Variants in ADAMTS3 observed in about 807,000 individuals in gnomAD.
The protein encoded by ADAMTS3 is A disintegrin and metalloproteinase with thrombospondin motifs 3.
A neutral mutation model predicts 129.0 loss-of-function variants in ADAMTS3; 73 were observed. The observed-to-expected ratio is 0.57, with a 90% CI of 0.47 to 0.69. The LOEUF (loss-of-function observed/expected upper bound fraction) is 0.69, where lower values mean the gene tolerates loss of function less well. ADAMTS3 is among the 30% of genes least tolerant of loss of function. The pLI, the probability that ADAMTS3 is intolerant of heterozygous loss-of-function variation, is 0.00. For synonymous variants in ADAMTS3, 477 were observed against 510.8 expected (o/e 0.93, Z 0.89); for missense variants, 1,457 against 1,514.5 (o/e 0.96, Z 0.63).
chr4:72,539,633 T>C (rs1038077017), intron 3 of ADAMTS3, among the ~76,000 whole-genome samples: 1 of 152,058 alleles, frequency 6.6e-6, no homozygotes, highest in Non-Finnish European at 1.5e-5. Context: ...CAAAATCTCA[T>C]CTTGAACTGT....
At chr4:72,519,822 C>T (rs1177931122) in intron 3 of ADAMTS3, among the ~76,000 whole-genome samples, 1 of 152,178 alleles carries the variant, frequency 6.6e-6, no homozygotes, top group African/African-American at 2.4e-5. Flanking sequence ...TCGTCTGAAG[C>T]CTTCTTCTCT....
At chr4:72,542,259 G>A (rs944845710) in intron 3 of ADAMTS3, among the ~76,000 whole-genome samples, 1 of 152,154 alleles carries the variant, frequency 6.6e-6, no homozygotes, top group African/African-American at 2.4e-5. Flanking sequence ...CCATCTCCCA[G>A]GTTTATGCCA....
chr4:72,392,703 T>C (rs1191575786), intron 4 of ADAMTS3, among the ~76,000 whole-genome samples: 1 of 152,152 alleles, frequency 6.6e-6, no homozygotes, highest in African/African-American at 2.4e-5. Context: ...AGGAAAAGAA[T>C]AGAAGAGAAG....
In ADAMTS3 at chr4:72,304,006, C is replaced by A; in HGVS notation, c.2335G>T (p.Asp779Tyr). The A allele has an allele frequency of 6.2e-7, 1 of 1,613,766 alleles. No individual in the cohort carries two copies. The highest frequency in any genetic ancestry group is 8.5e-7 in the Non-Finnish European group (1 of 1,179,752). Residue 779 changes from aspartate to tyrosine, a missense_variant, in exon 17 of 22, where the codon GAT becomes TAT. Transcript: ENST00000286657. ...GEEAKSRTFI[D>Y]LGVEWDYNIE... ...TTATAATCCCACTCCACACCAAGAT[C>A]TATGAAGGTCCGCGACTTGGCTTCC...
At chr4:72,471,003 A>G (rs917381557) in intron 3 of ADAMTS3, among the ~76,000 whole-genome samples, 1 of 152,232 alleles carries the variant, frequency 6.6e-6, no homozygotes, top group Non-Finnish European at 1.5e-5. Flanking sequence ...CACTTGCACA[A>G]ATGTTTGAGG....
intron 3 of ADAMTS3, among the ~76,000 whole-genome samples, chr4:72,464,547 A>G (rs1283070105): frequency 6.6e-6 from 1 of 152,098 alleles, no homozygotes; most frequent in African/African-American, 2.4e-5. Context: ...TTTAAAAGAA[A>G]ATCCACTAGC....
intron 3 of ADAMTS3, among the ~76,000 whole-genome samples, chr4:72,447,672 C>T (rs1394236797): frequency 6.6e-6 from 1 of 151,452 alleles, no homozygotes; most frequent in African/African-American, 2.4e-5. Context: ...CCCCACACTC[C>T]ATCTTCAACA....
rs1718346261 is a variant in ADAMTS3 at position 72,281,653 on chromosome 4, A to G, written c.*1483T>C. ...ACTAAAAATGCAAGATGTTTGCATA[A>G]CATCAAATTTGTTCAGTTTTAGCTT... On this transcript the variant is annotated 3_prime_UTR_variant, in exon 22 of 22. Transcript: ENST00000286657. 6.6e-6 allele frequency: 1 copy of G among 152,234 alleles called. No homozygotes were observed. The highest frequency in any genetic ancestry group is 6.5e-5 in the Admixed American group (1 of 15,282). 9.4% of individuals were successfully genotyped at this position (152,234 alleles called of 1,614,324 possible).
intron 4 of ADAMTS3, among the ~76,000 whole-genome samples, chr4:72,394,177 C>T (rs558499486): frequency 2.7e-4 from 41 of 152,272 alleles, no homozygotes; most frequent in African/African-American, 9.1e-4. Flanking sequence ...CTTCAGAGGG[C>T]CCCATTCACA....
intron 3 of ADAMTS3, among the ~76,000 whole-genome samples, chr4:72,516,186 A>G (rs1560545928): frequency 6.6e-6 from 1 of 151,964 alleles, no homozygotes; most frequent in Non-Finnish European, 1.5e-5. Context: ...GTTCTGTTCC[A>G]TTGTTCTATA....
At chr4:72,367,970 T>C (rs1481503985) in intron 4 of ADAMTS3, among the ~76,000 whole-genome samples, 1 of 152,146 alleles carries the variant, frequency 6.6e-6, no homozygotes, top group Non-Finnish European at 1.5e-5. Flanking sequence ...TAATGTAATT[T>C]AAAAAACAAT....
At chr4:72,430,514 G>C (rs902861054) in intron 3 of ADAMTS3, among the ~76,000 whole-genome samples, 1 of 151,960 alleles carries the variant, frequency 6.6e-6, no homozygotes, top group Non-Finnish European at 1.5e-5. Flanking sequence ...TTCACTCCCA[G>C]TCAGTTGAGC....
intron 4 of ADAMTS3, among the ~76,000 whole-genome samples, chr4:72,351,171 T>C (rs1720425085): frequency 6.6e-6 from 1 of 151,994 alleles, no homozygotes; most frequent in Admixed American, 6.6e-5. Flanking sequence ...GTTTCAGACA[T>C]TTTGTCCATT....
intron 3 of ADAMTS3, among the ~76,000 whole-genome samples, chr4:72,490,838 T>C (rs1719721801): frequency 1.3e-5 from 2 of 151,900 alleles, no homozygotes; most frequent in South Asian, 4.1e-4. Context: ...TTCACAGGAA[T>C]TATAGGATTG....
Position 72,283,411 on chromosome 4 carries a change from A to T in ADAMTS3, c.3343T>A (p.Tyr1115Asn). ...TTACTGTTTGGCCTGAAAGCAGCAT[A>T]TGCATTTGGACCTCCCACTGAAGAG... ...SISSVGGPNA[Y>N]AAFRPNSKPD... Residue 1115 changes from tyrosine (Y) to asparagine (N), a missense_variant, in exon 22 of 22, where the codon TAT (tyrosine) becomes AAT (asparagine). Coordinates refer to ENST00000286657, the MANE Select transcript of ADAMTS3 (RefSeq NM_014243.3). 9.3e-6 allele frequency: 15 copies of T among 1,613,980 alleles called. No individual in the cohort carries two copies. Among genetic ancestry groups the T allele is most frequent in the Non-Finnish European group, 1.3e-5 (15 of 1,179,922 alleles).
intron 3 of ADAMTS3, among the ~76,000 whole-genome samples, chr4:72,509,739 G>A (rs1177490128): frequency 1.3e-5 from 2 of 151,566 alleles, no homozygotes; most frequent in Non-Finnish European, 2.9e-5. Context: ...TGGAGGAGGA[G>A]CAAATATTTC....
intron 4 of ADAMTS3, among the ~76,000 whole-genome samples, chr4:72,406,402 T>G (rs1348537738): frequency 6.6e-6 from 1 of 152,204 alleles, no homozygotes; most frequent in Non-Finnish European, 1.5e-5. Flanking sequence ...TTTCCTGTTT[T>G]TTTCTTTGTT....
At chr4:72,544,972 T>C (rs1215906802) in intron 3 of ADAMTS3, among the ~76,000 whole-genome samples, 2 of 152,090 alleles carry the variant, frequency 1.3e-5, no homozygotes, top group Admixed American at 6.5e-5. Context: ...TTGATGTATA[T>C]AAAAAGCAAA....
intron 4 of ADAMTS3, among the ~76,000 whole-genome samples, chr4:72,406,314 G>A (rs2109915635): frequency 6.6e-6 from 1 of 152,230 alleles, no homozygotes; most frequent in East Asian, 1.9e-4. Context: ...CCATACTATG[G>A]TTAATATAGG....
Sources: gnomAD v4.1 joint callset for allele counts (sites outside exome capture counted in the v4.1 genomes callset) on GRCh38, gnomAD v4.1.1 for gene constraint, MANE v1.5 for transcripts, NCBI Gene and HGNC (gene_info 2026-07-23, HGNC 2026-07-21) for gene names.